Variants in INPP5D observed in about 807,000 individuals in gnomAD.
INPP5D encodes phosphatidylinositol 3,4,5-trisphosphate 5-phosphatase 1.
INPP5D carries 33 observed loss-of-function variants against 122.9 expected under a neutral mutation model. The ratio of observed to expected loss-of-function variants is 0.27; its 90% CI spans 0.20 to 0.36. The LOEUF (loss-of-function observed/expected upper bound fraction) is 0.36, where lower values mean the gene tolerates loss of function less well. Among genes scored for constraint, INPP5D ranks in the 10% least tolerant of loss-of-function variants. The probability of loss-of-function intolerance (pLI) is 1.00; values close to 1 mark genes in which losing one functional copy is unlikely to be tolerated. For synonymous variants in INPP5D, 584 were observed against 576.2 expected, an observed-to-expected ratio of 1.01 and a Z score of -0.19; for missense variants, 1,053 against 1,412.7, an observed-to-expected ratio of 0.75 and a Z score of 4.08.
At chr2:233,063,169 A>T (rs1002882997) in intron 1 of INPP5D, among the ~76,000 whole-genome samples, 1 of 152,220 alleles carries the variant, frequency 6.6e-6, no homozygotes, top group African/African-American at 2.4e-5. Context: ...CAGAAGTAGC[A>T]GGCTTTGCCC....
chr2:233,200,987 A>C (rs1003517237), intron 25 of INPP5D, among the ~76,000 whole-genome samples: 6 of 109,344 alleles, frequency 5.5e-5, no homozygotes, highest in Admixed American at 1.8e-4. Flanking sequence ...TAAATAAATA[A>C]ATAAATAAAT....
Position 233,170,609 on chromosome 2 carries a change from G to A in INPP5D, c.1900+5G>A. ...AGAAGGTCTTCCTACACTTCGGTAA[G>A]AGCAGCAACCCCGGCTGGGAGCGGT... On this transcript the variant is annotated splice_donor_5th_base_variant and intron_variant, in intron 16 of 26. Coordinates refer to ENST00000445964, the MANE Select transcript of INPP5D (RefSeq NM_001017915.3). The surrounding 1 kb of genome is among the most constrained non-coding windows in gnomAD (Gnocchi z 4.5). The A allele has an allele frequency of 6.2e-7, 1 of 1,612,504 alleles. No individual in the cohort carries two copies. Among genetic ancestry groups the A allele is most frequent in the Non-Finnish European group, 8.5e-7 (1 of 1,179,324 alleles).
At chr2:233,115,267 G>C (rs1559299609) in intron 2 of INPP5D, among the ~76,000 whole-genome samples, 1 of 152,306 alleles carries the variant, frequency 6.6e-6, no homozygotes, top group East Asian at 1.9e-4. Flanking sequence ...CCTTGTGGGG[G>C]GTTCCTAGCA....
rs539144205 is a variant in INPP5D, at chr2:233,179,572, G to A, written c.2071+2226G>A. Among the ~76,000 whole-genome samples, 42 of 152,328 alleles carry A rather than the reference G, an allele frequency of 2.8e-4. No homozygotes were observed. The East Asian group carries it at 5.0e-3, about 18-fold the overall frequency. ...ACCCTTTGCCCCCACCTCCGGGCCCGGAATATGAGGGTTGGGGAGGAAAAC... is the reference window on the plus strand; with the variant it reads ...ACCCTTTGCCCCCACCTCCGGGCCCAGAATATGAGGGTTGGGGAGGAAAAC... On this transcript the variant is annotated intron_variant, in intron 18 of 26. Transcript: ENST00000445964.
chr2:233,066,527 A>G (rs1691231292), intron 1 of INPP5D, among the ~76,000 whole-genome samples: 1 of 152,350 alleles, frequency 6.6e-6, no homozygotes, highest in East Asian at 1.9e-4. Context: ...TGACAAGGCC[A>G]AAGCCCACTC....
intron 2 of INPP5D, among the ~76,000 whole-genome samples, chr2:233,121,026 C>T (rs1315319613): frequency 6.6e-6 from 1 of 151,066 alleles, no homozygotes; most frequent in Non-Finnish European, 1.5e-5. Context: ...CCACCAAACA[C>T]ACTCACAAAT....
intron 2 of INPP5D, among the ~76,000 whole-genome samples, chr2:233,101,621 A>G (rs1023390530): frequency 1.1e-4 from 16 of 145,546 alleles, no homozygotes; most frequent in Admixed American, 4.9e-4. Context: ...ATAATATATA[A>G]TTATATATTA....
chr2:233,198,202 C>A lies in INPP5D; in HGVS notation c.2801C>A (p.Ser934Tyr). 6.2e-7 allele frequency: 1 copy of A among 1,613,684 alleles called. No homozygotes were observed. Among genetic ancestry groups the A allele is most frequent in the Non-Finnish European group, 8.5e-7 (1 of 1,179,896 alleles). Reference sequence around the variant, plus strand: ...CCCCTGCACGTGAAGCAGACCTTGTCCCCTGACCAGCAGCCCACAGCCTGG... The same window carrying A: ...CCCCTGCACGTGAAGCAGACCTTGTACCCTGACCAGCAGCCCACAGCCTGG... ...PMPLHVKQTL[S>Y]PDQQPTAWSY... The change falls in exon 25 of 27, where the codon TCC (serine) becomes TAC (tyrosine). Residue 934 changes from serine to tyrosine, a missense_variant. Ser to Tyr is a moderately radical substitution (Grantham distance 144). This residue lies in a region of INPP5D where 417 missense variants were observed against 425.8 expected (regional missense o/e 0.98). Transcript: ENST00000445964.
At chr2:233,191,681 T>C (rs991846364) in intron 22 of INPP5D, among the ~76,000 whole-genome samples, 24 of 152,108 alleles carry the variant, frequency 1.6e-4, no homozygotes, top group African/African-American at 4.6e-4. Context: ...ATCAGCAGAC[T>C]TGGTGAGCGC....
intron 2 of INPP5D, among the ~76,000 whole-genome samples, chr2:233,099,922 G>A (rs4973609): frequency 0.12 from 18,725 of 152,170 alleles, 1,273 homozygotes; most frequent in Admixed American, 0.17. Flanking sequence ...GGAAGGTGAA[G>A]GGCACATCTC....
At chr2:233,103,021 C>T (rs113209490) in intron 2 of INPP5D, among the ~76,000 whole-genome samples, 58 of 152,294 alleles carry the variant, frequency 3.8e-4, no homozygotes, top group African/African-American at 1.3e-3. Flanking sequence ...TTACAAAACA[C>T]TATTGTTGTC....
At chr2:233,187,675 A>C (rs934171777) in intron 21 of INPP5D, among the ~76,000 whole-genome samples, 2 of 152,206 alleles carry the variant, frequency 1.3e-5, no homozygotes, top group African/African-American at 4.8e-5. Flanking sequence ...CGGCCAGCTC[A>C]CATGGCTCTG....
At chr2:233,063,544 A>G (rs1306598877) in intron 1 of INPP5D, among the ~76,000 whole-genome samples, 1 of 152,248 alleles carries the variant, frequency 6.6e-6, no homozygotes, top group African/African-American at 2.4e-5. Flanking sequence ...ACAGGGCTAC[A>G]GTTCAGTGCC....
In INPP5D at chr2:233,204,574, C is replaced by G; in HGVS notation, c.3424C>G (p.Pro1142Ala). The change falls in exon 26 of 27, where the codon CCG becomes GCG. Residue 1142 changes from proline to alanine, a missense_variant. Physicochemically the swap from Pro to Ala is conservative, Grantham distance 27. This residue lies in a region of INPP5D where 417 missense variants were observed against 425.8 expected (regional missense o/e 0.98). Transcript: ENST00000445964. ...QTPPTPTPRP[P>A]LPVKSPAVLH... ...CCCGCCCACCCCGACGCCGCGGCCG[C>G]CGCTGCCAGTCAAGAGCCCGGCGGT... 9 of 1,566,758 alleles carry G rather than the reference C, an allele frequency of 5.7e-6. No homozygotes were observed. The highest frequency in any genetic ancestry group is 7.8e-6 in the Non-Finnish European group (9 of 1,157,162).
chr2:233,168,960 G>A, intron 13 of INPP5D: 1 of 270,562 alleles, frequency 3.7e-6, no homozygotes, highest in Non-Finnish European at 7.2e-6. Context: ...TTCACTGGGA[G>A]GGAGATCAGC....
At chr2:233,163,040 G>A (rs1694237008) in intron 11 of INPP5D, among the ~76,000 whole-genome samples, 1 of 152,222 alleles carries the variant, frequency 6.6e-6, no homozygotes, top group South Asian at 2.1e-4. Flanking sequence ...GCCTCTTGGG[G>A]GAGCAGAATT....
Position 233,105,389 on chromosome 2 carries a change from G to T in INPP5D, c.199-16718G>T, listed in dbSNP as rs1484879630. 6.6e-6 allele frequency among the ~76,000 whole-genome samples: 1 copy of T among 152,150 alleles called. No individual in the cohort carries two copies. The highest frequency in any genetic ancestry group is 2.4e-5 in the African/African-American group (1 of 41,434). On this transcript the variant is annotated intron_variant, in intron 2 of 26. Coordinates refer to ENST00000445964, the MANE Select transcript of INPP5D (RefSeq NM_001017915.3). The surrounding 1 kb of genome is among the most constrained non-coding windows in gnomAD (Gnocchi z 4.0). ...ACCACCTCCTATTCACCTGAAGTAG[G>T]AGCATCTCAGCTGCAGAGTAGCTTC...
chr2:233,182,366 G>A, intron 18 of INPP5D, 44 bp from the exon 19 acceptor site: 2 of 1,610,746 alleles, frequency 1.2e-6, no homozygotes, highest in African/African-American at 1.3e-5. Context: ...CTGACCGGAA[G>A]GGCTTCTCCT....
At position 233,197,286 on chromosome 2, in the gene INPP5D, A is replaced by G. The variant is rs991180964; in HGVS notation, c.2694-809A>G. Among the ~76,000 whole-genome samples the G allele has an allele frequency of 5.3e-5, 8 of 152,186 alleles. 1 individual carries two copies. The highest frequency in any genetic ancestry group is 1.9e-4 in the African/African-American group (8 of 41,450). On this transcript the variant is annotated intron_variant, in intron 24 of 26. Coordinates refer to ENST00000445964, the MANE Select transcript of INPP5D (RefSeq NM_001017915.3). The surrounding 1 kb of genome is among the most constrained non-coding windows in gnomAD (Gnocchi z 4.4). ...CTGGGCCATCCCCTCCATAGCTTTA[A>G]GCTGATTGCCCCCAATTCCAGGCTC...
Sources: gnomAD v4.1 joint callset for allele counts (sites outside exome capture counted in the v4.1 genomes callset) on GRCh38, gnomAD v4.1.1 for gene constraint, gnomAD v4.1.1 regional missense constraint, Gnocchi (gnomAD v3.1) non-coding constraint, MANE v1.5 for transcripts, NCBI Gene and HGNC (gene_info 2026-07-23, HGNC 2026-07-21) for gene names.